The following EYA1 variants were observed in gnomAD, a reference collection of about 807,000 sequenced individuals.
The protein encoded by EYA1 is protein phosphatase EYA1.
EYA1 carries 16 observed loss-of-function variants against 82.0 expected under a neutral mutation model. The ratio of observed to expected loss-of-function variants is 0.20; its 90% CI spans 0.13 to 0.30. The LOEUF (loss-of-function observed/expected upper bound fraction) is 0.30. EYA1 is among the 10% of genes least tolerant of loss of function. The probability of loss-of-function intolerance (pLI) is 1.00; values close to 1 mark genes in which losing one functional copy is unlikely to be tolerated. For missense variants in EYA1, 633 were observed against 730.7 expected (o/e 0.87, Z 1.54); for synonymous variants, 261 against 264.4 (o/e 0.99, Z 0.12).
At chr8:71,270,915 G>A (rs1816448007) in intron 10 of EYA1, among the ~76,000 whole-genome samples, 1 of 152,010 alleles carries the variant, frequency 6.6e-6, no homozygotes, top group African/African-American at 2.4e-5. Context: ...GTCAGGAGAT[G>A]GAGACCATCC....
At chr8:71,439,524 G>A (rs1806254159) in intron 2 of EYA1, among the ~76,000 whole-genome samples, 1 of 152,210 alleles carries the variant, frequency 6.6e-6, no homozygotes, top group Admixed American at 6.5e-5. Context: ...TATGGGACCT[G>A]TACTTTAGGG....
At chr8:71,426,141 A>G (rs1805213643) in intron 2 of EYA1, among the ~76,000 whole-genome samples, 1 of 152,218 alleles carries the variant, frequency 6.6e-6, no homozygotes, top group Non-Finnish European at 1.5e-5. Flanking sequence ...TATGGCCTAA[A>G]CTAATTGTTG....
chr8:71,417,441 C>A (rs1203979906), intron 2 of EYA1, among the ~76,000 whole-genome samples: 1 of 152,044 alleles, frequency 6.6e-6, no homozygotes, highest in African/African-American at 2.4e-5. Context: ...GTTTAGAAAG[C>A]CATTTTTTGC....
chr8:71,264,739 C>T (rs1337873832), intron 11 of EYA1, among the ~76,000 whole-genome samples: 1 of 151,968 alleles, frequency 6.6e-6, no homozygotes, highest in Non-Finnish European at 1.5e-5. Context: ...CCACCACACC[C>T]AGCTAATTTT....
intron 7 of EYA1, among the ~76,000 whole-genome samples, chr8:71,310,963 C>G (rs1045073101): frequency 1.3e-5 from 2 of 152,028 alleles, no homozygotes; most frequent in African/African-American, 4.8e-5. Flanking sequence ...GGGTTTTCCA[C>G]AGAGCTGAGG....
At chr8:71,286,301 G>A (rs977051924) in intron 9 of EYA1, among the ~76,000 whole-genome samples, 2 of 152,160 alleles carry the variant, frequency 1.3e-5, no homozygotes, top group African/African-American at 2.4e-5. Context: ...GCACACCCTC[G>A]TGGTAAATAA....
chr8:71,532,723 T>C (rs1012411447), intron 2 of EYA1, among the ~76,000 whole-genome samples: 3 of 152,076 alleles, frequency 2.0e-5, no homozygotes, highest in African/African-American at 7.2e-5. Flanking sequence ...AAAGGCACAA[T>C]CCAGAATGCA....
intron 2 of EYA1, among the ~76,000 whole-genome samples, chr8:71,529,128 T>C (rs1439384299): frequency 6.6e-6 from 1 of 152,214 alleles, no homozygotes; most frequent in Non-Finnish European, 1.5e-5. Flanking sequence ...TTCATTGAAA[T>C]AATTCTTAGA....
At chr8:71,500,772 CACAT>C (rs1811755150) in intron 2 of EYA1, among the ~76,000 whole-genome samples, 1 of 152,140 alleles carries the variant, frequency 6.6e-6, no homozygotes, top group Non-Finnish European at 1.5e-5. Context: ...CACACACATA[CACAT>C]ACACACACAC....
chr8:71,361,551 A>G, intron 1 of EYA1, 96 bp downstream of exon 1: 1 of 572,672 alleles, frequency 1.7e-6, no homozygotes, highest in Non-Finnish European at 2.2e-6. Context: ...AAACAAATCA[A>G]AACAATAATA....
chr8:71,232,891 A>T (rs148562934), intron 12 of EYA1, among the ~76,000 whole-genome samples: 44 of 152,256 alleles, frequency 2.9e-4, no homozygotes, highest in African/African-American at 9.4e-4. Flanking sequence ...AGACTTCCTT[A>T]GTGCTTCCTG....
intron 2 of EYA1, among the ~76,000 whole-genome samples, chr8:71,405,879 C>T (rs1586649697): frequency 6.6e-6 from 1 of 152,164 alleles, no homozygotes; most frequent in African/African-American, 2.4e-5. Context: ...TACTATCTTC[C>T]TTTTCTCAAT....
intron 17 of EYA1, among the ~76,000 whole-genome samples, chr8:71,210,603 G>T (rs1259320809): frequency 2.6e-5 from 4 of 152,194 alleles, no homozygotes; most frequent in African/African-American, 9.7e-5. Context: ...ACAGCAATGG[G>T]CAAAGCGGGA....
chr8:71,403,686 A>G (rs1204503191), intron 2 of EYA1: 3 of 152,212 alleles, frequency 2.0e-5, no homozygotes, highest in Non-Finnish European at 4.4e-5. Flanking sequence ...AAAGAATCAG[A>G]TACAGCCATA....
chr8:71,236,675 C>G (rs187649059), intron 12 of EYA1, among the ~76,000 whole-genome samples: 1 of 152,070 alleles, frequency 6.6e-6, no homozygotes, highest in African/African-American at 2.4e-5. Context: ...TTTCTTTTAC[C>G]TATCCTAAGC....
chr8:71,382,516 TA>T (rs113530380), intron 2 of EYA1, among the ~76,000 whole-genome samples: 18,129 of 152,050 alleles, frequency 0.12, 1,128 homozygotes, highest in South Asian at 0.17. Context: ...CAGCACACAG[TA>T]TTAGTTCATA....
intron 2 of EYA1, among the ~76,000 whole-genome samples, chr8:71,516,247 G>A (rs950257737): frequency 2.0e-5 from 3 of 152,170 alleles, no homozygotes; most frequent in Admixed American, 2.0e-4. Flanking sequence ...ACCAGGCAAT[G>A]TGATAGGCTA....
At chr8:71,512,258 A>C (rs1292717998) in intron 2 of EYA1, among the ~76,000 whole-genome samples, 1 of 152,176 alleles carries the variant, frequency 6.6e-6, no homozygotes, top group Non-Finnish European at 1.5e-5. Context: ...TTGGTGTTCA[A>C]AGCTGAATTT....
intron 11 of EYA1, among the ~76,000 whole-genome samples, chr8:71,263,960 T>C (rs1815454582): frequency 2.0e-5 from 3 of 152,200 alleles, no homozygotes; most frequent in Admixed American, 1.3e-4. Flanking sequence ...TCAAGTTTCA[T>C]TGGAACACAG....
Sources: allele counts gnomAD v4.1 joint callset (sites outside exome capture counted in the v4.1 genomes callset), GRCh38; gene constraint gnomAD v4.1.1; transcripts MANE v1.5; gene names NCBI Gene and HGNC (gene_info 2026-07-23, HGNC 2026-07-21).